The following DYNC2H1 variants were observed in gnomAD, a reference collection of about 807,000 sequenced individuals.
DYNC2H1 encodes the protein cytoplasmic dynein 2 heavy chain 1.
Under a neutral mutation model 570.0 loss-of-function variants are expected in DYNC2H1, and 410 were observed. The observed-to-expected ratio is 0.72, with a 90% CI of 0.66 to 0.78. The LOEUF is 0.78. DYNC2H1 is among the 30% of genes least tolerant of loss of function. The pLI, the probability that DYNC2H1 is intolerant of heterozygous loss-of-function variation, is 0.00. For missense variants in DYNC2H1, 4,865 were observed against 5,046.4 expected (o/e 0.96, Z 1.09); for synonymous variants, 1,688 against 1,677.6 (o/e 1.01, Z -0.15).
intron 40 of DYNC2H1, among the ~76,000 whole-genome samples, chr11:103,184,504 C>G (rs1410557548): frequency 1.3e-5 from 2 of 151,834 alleles, no homozygotes; most frequent in Non-Finnish European, 2.9e-5. Context: ...CCTGCTTTTT[C>G]TAACGTTTCT....
chr11:103,443,211 A>C (rs923633805), intron 85 of DYNC2H1, among the ~76,000 whole-genome samples: 4 of 152,004 alleles, frequency 2.6e-5, no homozygotes, highest in Non-Finnish European at 4.4e-5. Flanking sequence ...TGATTCCTAA[A>C]TCAATCATAG....
At chr11:103,130,686 T>C (rs773393181) in intron 13 of DYNC2H1, among the ~76,000 whole-genome samples, 1 of 152,188 alleles carries the variant, frequency 6.6e-6, no homozygotes, top group Non-Finnish European at 1.5e-5. Flanking sequence ...AATCACCCTT[T>C]ATTATTTTTG....
intron 75 of DYNC2H1, among the ~76,000 whole-genome samples, chr11:103,302,400 A>G (rs536685920): frequency 6.6e-6 from 1 of 152,218 alleles, no homozygotes; most frequent in South Asian, 2.1e-4. Context: ...TTGCTTCCAG[A>G]GTACCTGTGG....
At chr11:103,193,929 T>G (rs1862416664) in intron 47 of DYNC2H1, among the ~76,000 whole-genome samples, 1 of 152,190 alleles carries the variant, frequency 6.6e-6, no homozygotes, top group Non-Finnish European at 1.5e-5. Flanking sequence ...ATAAGCTTAT[T>G]AAGAAAAATT....
At chr11:103,190,163 C>G (rs1179585314) in intron 45 of DYNC2H1, among the ~76,000 whole-genome samples, 3 of 152,152 alleles carry the variant, frequency 2.0e-5, no homozygotes, top group Non-Finnish European at 4.4e-5. Context: ...GGCTTCAAAC[C>G]TGCAAGCAGT....
At position 103,284,014 on chromosome 11, in the gene DYNC2H1, A is replaced by C. The variant is rs1866248145; in HGVS notation, c.10890+929A>C. ...ACCTGTGCACTTCCTTGTAAAAGCTACTTTTAACAGAACCCTGCAAAGTTG... is the reference window on the plus strand; with the variant it reads ...ACCTGTGCACTTCCTTGTAAAAGCTCCTTTTAACAGAACCCTGCAAAGTTG... On this transcript the variant is annotated intron_variant, in intron 73 of 88. Transcript: ENST00000375735. 7.2e-4 allele frequency among the ~76,000 whole-genome samples: 9 copies of C among 12,486 alleles called. No individual in the cohort carries two copies. The Admixed American group carries it at 0.016, about 23-fold the overall frequency. The allele number at this position is 12,486 out of a possible 152,430, so 8.2% of individuals were successfully genotyped here. A position where few individuals can be genotyped will look rare whatever the true frequency, so the allele number is the denominator to read the frequency against.
At chr11:103,437,166 G>GA (rs1469245251) in intron 85 of DYNC2H1, among the ~76,000 whole-genome samples, 1 of 152,098 alleles carries the variant, frequency 6.6e-6, no homozygotes, top group Non-Finnish European at 1.5e-5. Flanking sequence ...ACTTCATAGA[G>GA]AAAATTCAAG....
In DYNC2H1 at chr11:103,186,105, T is replaced by C; in HGVS notation, c.6634-137T>C. 2.5e-6 allele frequency: 2 copies of C among 793,210 alleles called. No individual in the cohort carries two copies. Among genetic ancestry groups the C allele is most frequent in the Non-Finnish European group, 1.9e-6 (1 of 517,210 alleles). The allele number at this position is 793,210 out of a possible 1,614,324, so 49.1% of individuals were successfully genotyped here. On this transcript the variant is annotated intron_variant, in intron 41 of 88. Transcript: ENST00000375735. The surrounding 1 kb of genome is among the most constrained non-coding windows in gnomAD (Gnocchi z 4.5). Reference sequence around the variant, plus strand: ...TATTTGAGATAAAATGTTACATTAATGATAAAATAGGTTTAGTTTATGTAA... The same window carrying C: ...TATTTGAGATAAAATGTTACATTAACGATAAAATAGGTTTAGTTTATGTAA...
At chr11:103,322,398 A>T (rs1284261318) in intron 81 of DYNC2H1, among the ~76,000 whole-genome samples, 2 of 152,164 alleles carry the variant, frequency 1.3e-5, no homozygotes, top group Non-Finnish European at 2.9e-5. Context: ...CATAGACCAC[A>T]TGAGTGTAGC....
Position 103,163,866 on chromosome 11 carries a change from C to T in DYNC2H1, c.4611+719C>T, listed in dbSNP as rs547126235. Among the ~76,000 whole-genome samples the T allele has an allele frequency of 6.6e-6, 1 of 151,648 alleles. No homozygotes were observed. Among genetic ancestry groups the T allele is most frequent in the Non-Finnish European group, 1.5e-5 (1 of 67,888 alleles). ...GCAGCTCTCAAAGTTATTTGCTTTTCAAATAAAAAAAAATGTAGTGGCTAT... is the reference window on the plus strand; with the variant it reads ...GCAGCTCTCAAAGTTATTTGCTTTTTAAATAAAAAAAAATGTAGTGGCTAT... On this transcript the variant is annotated intron_variant, in intron 30 of 88. Coordinates refer to ENST00000375735, the MANE Select transcript of DYNC2H1 (RefSeq NM_001377.3). This position sits in a 1 kb window ranked among gnomAD's most constrained non-coding sequence, Gnocchi z 4.6.
chr11:103,380,090 C>T (rs1370238172), intron 83 of DYNC2H1, among the ~76,000 whole-genome samples: 1 of 152,138 alleles, frequency 6.6e-6, no homozygotes, highest in Non-Finnish European at 1.5e-5. Context: ...AGAATAATTA[C>T]ACTTTAAAAA....
intron 84 of DYNC2H1, among the ~76,000 whole-genome samples, chr11:103,411,708 C>A (rs1024141638): frequency 4.0e-5 from 6 of 151,564 alleles, no homozygotes; most frequent in Non-Finnish European, 7.4e-5. Context: ...TATATTTTTT[C>A]TTTCTTTCAA....
At position 103,245,590 on chromosome 11, in the gene DYNC2H1, T is replaced by A. The variant is rs1412478988; in HGVS notation, c.10042+216T>A. Among the ~76,000 whole-genome samples the A allele has an allele frequency of 6.6e-6, 1 of 151,974 alleles. No homozygotes were observed. The highest frequency in any genetic ancestry group is 1.5e-5 in the Non-Finnish European group (1 of 67,954). ...CCTAGTACCCATAGTTTACTGGGGG[T>A]TGATTACGTAAGCACACTCTCCCTA... On this transcript the variant is annotated intron_variant, in intron 65 of 88. Coordinates refer to ENST00000375735, the MANE Select transcript of DYNC2H1 (RefSeq NM_001377.3). The surrounding 1 kb of genome is among the most constrained non-coding windows in gnomAD (Gnocchi z 4.5).
intron 84 of DYNC2H1, among the ~76,000 whole-genome samples, chr11:103,426,399 C>T (rs191686813): frequency 3.5e-4 from 54 of 152,260 alleles, no homozygotes; most frequent in African/African-American, 1.1e-3. Flanking sequence ...CCAAGCTGGT[C>T]TTAGCAGTGT....
At chr11:103,142,939 C>G (rs1860035217) in intron 17 of DYNC2H1, among the ~76,000 whole-genome samples, 1 of 151,954 alleles carries the variant, frequency 6.6e-6, no homozygotes, top group Non-Finnish European at 1.5e-5. Context: ...GAATCTGGAC[C>G]CTTTCAGATT....
rs1393562507 is a variant in DYNC2H1, at chr11:103,439,832, ACT to A, written c.12456+3805_12456+3806del. Reference sequence around the variant, plus strand: ...AACAAATGAATGGACTGGACAGATTACTCTCTTTGGGGAACTTAGAATTATTT... The same window carrying A: ...AACAAATGAATGGACTGGACAGATTACTCTTTGGGGAACTTAGAATTATTT... On this transcript the variant is annotated intron_variant, in intron 85 of 88. Transcript: ENST00000375735. The surrounding 1 kb of genome is among the most constrained non-coding windows in gnomAD (Gnocchi z 4.1). Among the ~76,000 whole-genome samples, 1 of 152,074 alleles carries A rather than the reference ACT, an allele frequency of 6.6e-6. No homozygotes were observed. The highest frequency in any genetic ancestry group is 1.5e-5 in the Non-Finnish European group (1 of 68,012).
chr11:103,213,436 G>A (rs1421053613), intron 54 of DYNC2H1, among the ~76,000 whole-genome samples: 2 of 151,672 alleles, frequency 1.3e-5, no homozygotes, highest in Admixed American at 1.3e-4. Context: ...GTATTTATCT[G>A]TTTAGCTTTT....
chr11:103,118,827 T>TTAC (rs1489815800), intron 6 of DYNC2H1, among the ~76,000 whole-genome samples: 1 of 152,208 alleles, frequency 6.6e-6, no homozygotes. Flanking sequence ...AGGACGTATG[T>TTAC]GGTATTAGGT....
chr11:103,182,435 T>C (rs1008799253), intron 40 of DYNC2H1, among the ~76,000 whole-genome samples: 1 of 151,710 alleles, frequency 6.6e-6, no homozygotes, highest in Admixed American at 6.6e-5. Context: ...AACAAAAACA[T>C]TGAATATCTA....
Sources: allele counts gnomAD v4.1 joint callset (sites outside exome capture counted in the v4.1 genomes callset), GRCh38; gene constraint gnomAD v4.1.1; non-coding constraint Gnocchi (gnomAD v3.1); transcripts MANE v1.5; gene names NCBI Gene and HGNC (gene_info 2026-07-23, HGNC 2026-07-21).